Variants in RMC1 observed in about 807,000 individuals in gnomAD.
RMC1 encodes the protein regulator of MON1-CCZ1, also known as regulator of MON1-CCZ1 complex.
In RMC1, 44 loss-of-function variants were observed where a neutral mutation model predicts 95.5. That is an observed-to-expected ratio of 0.46 (90% CI 0.36 to 0.59). RMC1 has a LOEUF of 0.59. Among genes scored for constraint, RMC1 ranks in the 20% least tolerant of loss-of-function variants. The probability of loss-of-function intolerance (pLI) is 0.00; values close to 1 mark genes in which losing one functional copy is unlikely to be tolerated. For missense variants in RMC1, 705 were observed against 819.6 expected (o/e 0.86, Z 1.71); for synonymous variants, 320 against 303.6 (o/e 1.05, Z -0.56).
Position 23,505,986 on chromosome 18 carries a change from G to A in RMC1, c.180-984G>A, listed in dbSNP as rs551299173. On this transcript the variant is annotated intron_variant, in intron 2 of 19. Transcript: ENST00000269221. Reference sequence around the variant, plus strand: ...GTTCGAGACCAGCCTGGCCAGCATGGTGAAACCCTGTCTCTACTAAAAATA... The same window carrying A: ...GTTCGAGACCAGCCTGGCCAGCATGATGAAACCCTGTCTCTACTAAAAATA... Among the ~76,000 whole-genome samples, 16 of 152,148 alleles carry A rather than the reference G, an allele frequency of 1.1e-4. 2 individuals carry two copies. The South Asian group carries it at 3.3e-3, about 32-fold the overall frequency.
intron 13 of RMC1, 48 bp from the exon 14 acceptor site, chr18:23,527,747 C>CTT (rs1462646482): frequency 1.4e-6 from 2 of 1,457,698 alleles, no homozygotes; most frequent in Admixed American, 3.3e-5. Context: ...AATTCTGAAG[C>CTT]TGACATGAAG....
chr18:23,518,892 A>G lies in RMC1; in HGVS notation c.656A>G (p.Tyr219Cys). The G allele has an allele frequency of 6.2e-7, 1 of 1,613,986 alleles. No individual in the cohort carries two copies. Among genetic ancestry groups the G allele is most frequent in the Non-Finnish European group, 8.5e-7 (1 of 1,179,870 alleles). The stretch of plus-strand genomic sequence containing the variant: ...ATGTCTGTTTGTTCCCTAATTAGAT[A>G]CGGGCAGCTGTATGTTCTCTTCTTG... ...SERDIAMATI[Y>C]GQLYVLFLRH... The change falls in exon 8 of 20, where the codon TAC becomes TGC. Residue 219 changes from tyrosine to cysteine, a missense_variant and splice_region_variant. Physicochemically the swap from Tyr to Cys is radical, Grantham distance 194 (BLOSUM62 -2). Transcript: ENST00000269221.
intron 2 of RMC1, 118 bp downstream of exon 2, chr18:23,504,565 G>A (rs769403931): frequency 3.6e-6 from 3 of 824,828 alleles, no homozygotes; most frequent in Non-Finnish European, 6.0e-6. Flanking sequence ...TGAAGTCTGT[G>A]TGCGCACATG....
chr18:23,520,128 AG>A (rs1228263704), intron 9 of RMC1, 73 bp from the exon 10 acceptor site: 2 of 1,117,132 alleles, frequency 1.8e-6, no homozygotes, highest in African/African-American at 3.1e-5. Context: ...TTAAACAGCA[AG>A]ATGGGATGGA....
chr18:23,508,464 C>G (rs1387380465), intron 4 of RMC1, among the ~76,000 whole-genome samples: 1 of 152,096 alleles, frequency 6.6e-6, no homozygotes, highest in Non-Finnish European at 1.5e-5. Flanking sequence ...TTGTCTTGTC[C>G]TTACTCTTTC....
At position 23,504,366 on chromosome 18, in the gene RMC1, C is replaced by T. The variant is rs750373694; in HGVS notation, c.103-5C>T. ...GCTGTTAACCTTGCTGCTTTTCCCT[C>T]TCAGGTTTTTGCTGTTCGATCTGGT... On this transcript the variant is annotated splice_polypyrimidine_tract_variant and splice_region_variant and intron_variant, in intron 1 of 19. Coordinates refer to ENST00000269221, the MANE Select transcript of RMC1 (RefSeq NM_013326.5). 1 of 1,614,036 alleles carries T rather than the reference C, an allele frequency of 6.2e-7. No individual in the cohort carries two copies. The highest frequency in any genetic ancestry group is 8.5e-7 in the Non-Finnish European group (1 of 1,179,906).
chr18:23,529,363 G>A (rs146804044), intron 15 of RMC1, 65 bp downstream of exon 15: 19 of 1,555,254 alleles, frequency 1.2e-5, no homozygotes, highest in Middle Eastern at 1.9e-4. Context: ...TGCTGAAAAC[G>A]AGGAGACTTC....
At position 23,514,420 on chromosome 18, in the gene RMC1, G is replaced by C. The variant is rs181281152; in HGVS notation, c.409-1436G>C. ...AAAAATACAAAAATTAGCTGGGTGT[G>C]GTGGTGGGCGCCTATAATCCCAGTT... On this transcript the variant is annotated intron_variant, in intron 5 of 19. Transcript: ENST00000269221. Among the ~76,000 whole-genome samples, 43 of 152,310 alleles carry C rather than the reference G, an allele frequency of 2.8e-4. No individual in the cohort carries two copies. In the East Asian group the frequency reaches 8.3e-3, roughly 29 times the overall value.
Position 23,503,571 on chromosome 18 carries a change from A to C in RMC1, c.-48A>C. On this transcript the variant is annotated 5_prime_UTR_variant, in exon 1 of 20. Transcript: ENST00000269221. ...CGGGCTCCACCGCGCATCCTGCTCC[A>C]CTCTGGCGACCGCCCCCGGGGCCCC... The C allele has an allele frequency of 6.9e-7, 1 of 1,439,538 alleles. No homozygotes were observed. The highest frequency in any genetic ancestry group is 9.4e-7 in the Non-Finnish European group (1 of 1,062,892). The allele number at this position is 1,439,538 out of a possible 1,614,324, so 89.2% of individuals were successfully genotyped here.
At chr18:23,506,003 C>T (rs2145123295) in intron 2 of RMC1, among the ~76,000 whole-genome samples, 1 of 152,022 alleles carries the variant, frequency 6.6e-6, no homozygotes, top group South Asian at 2.1e-4. Context: ...CCTGTCTCTA[C>T]TAAAAATACA....
At position 23,519,107 on chromosome 18, in the gene RMC1, A is replaced by G; in HGVS notation, c.782A>G (p.Asn261Ser). The change falls in exon 9 of 20, where the codon AAT (asparagine) becomes AGT (serine). Residue 261 changes from asparagine (N) to serine (S), a missense_variant. By Grantham distance (46) the Asn-to-Ser change is conservative (BLOSUM62 1). Coordinates refer to ENST00000269221, the MANE Select transcript of RMC1 (RefSeq NM_013326.5). ...ACKKMHILKL[N>S]RTGKFALNVV... is the part of the protein sequence containing the mutation. ...AAAAAGATGCACATATTGAAGTTAA[A>G]TAGGACGGGAAAGTTTGCCCTGAAC... 6.2e-7 allele frequency: 1 copy of G among 1,614,238 alleles called. No individual in the cohort carries two copies. The highest frequency in any genetic ancestry group is 1.1e-5 in the South Asian group (1 of 91,092).
Position 23,520,319 on chromosome 18 carries a change from A to G in RMC1, c.961+6A>G. 1 of 1,607,478 alleles carries G rather than the reference A, an allele frequency of 6.2e-7. No homozygotes were observed. ...CTATCAGATCCCCATCACAGGTAAC[A>G]CGGGTTCTGTAGAGGAGTCTGTGCT... On this transcript the variant is annotated splice_donor_region_variant and intron_variant, in intron 10 of 19. Transcript: ENST00000269221.
chr18:23,506,881 G>C, intron 2 of RMC1, 89 bp from the exon 3 acceptor site: 1 of 919,136 alleles, frequency 1.1e-6, no homozygotes, highest in Non-Finnish European at 1.7e-6. Flanking sequence ...GCTGCCTCCT[G>C]AATATAGATT....
At chr18:23,523,780 A>G (rs1486299382) in intron 10 of RMC1, among the ~76,000 whole-genome samples, 1 of 152,154 alleles carries the variant, frequency 6.6e-6, no homozygotes, top group African/African-American at 2.4e-5. Flanking sequence ...TTCTCCGTGG[A>G]TGATCTGGGT....
intron 19 of RMC1, 56 bp from the exon 20 acceptor site, chr18:23,531,569 C>A (rs952976753): frequency 6.3e-7 from 1 of 1,591,034 alleles, no homozygotes; most frequent in Non-Finnish European, 8.5e-7. Context: ...GAGATGCTTT[C>A]TTTGTCCCTC....
intron 14 of RMC1, chr18:23,528,402 C>G (rs1179083350): frequency 6.5e-6 from 1 of 154,268 alleles, no homozygotes; most frequent in Non-Finnish European, 1.4e-5. Context: ...GCCACCAATT[C>G]CCGCTGTATT....
At chr18:23,524,544 T>G in intron 12 of RMC1, 62 bp downstream of exon 12, 1 of 1,547,382 alleles carries the variant, frequency 6.5e-7, no homozygotes, top group Non-Finnish European at 8.9e-7. Context: ...GGATCCCAGT[T>G]GTAGCCAGGG....
In RMC1 at chr18:23,530,057, C is replaced by A. The variant is rs2145301317; in HGVS notation, c.1524C>A (p.Thr508=). 6.2e-7 allele frequency: 1 copy of A among 1,614,184 alleles called. No homozygotes were observed. The highest frequency in any genetic ancestry group is 1.3e-5 in the African/African-American group (1 of 75,048). The change falls in exon 17 of 20, where the codon ACC becomes ACA. Residue 508 remains threonine, a synonymous_variant. Transcript: ENST00000269221. ...QHYLHELVIK[T]LVQHNLFYML... ...ACCTACATGAACTTGTTATCAAAAC[C>A]CTTGTCCAGCACAACCTCTTTTATA...
chr18:23,528,049 G>C (rs1598910593), intron 14 of RMC1, 148 bp downstream of exon 14: 4 of 648,992 alleles, frequency 6.2e-6, no homozygotes, highest in East Asian at 2.9e-5. Context: ...TGGCAGTAGT[G>C]GGGGATAGTG....
Sources: allele counts gnomAD v4.1 joint callset (sites outside exome capture counted in the v4.1 genomes callset), GRCh38; gene constraint gnomAD v4.1.1; transcripts MANE v1.5; gene names NCBI Gene and HGNC (gene_info 2026-07-23, HGNC 2026-07-21).